CPEB3: variants seen among roughly 807,000 people sequenced by gnomAD.
CPEB3 encodes cytoplasmic polyadenylation element-binding protein 3.
Under a neutral mutation model 67.2 loss-of-function variants are expected in CPEB3, and 20 were observed. The observed-to-expected ratio is 0.30, with a 90% CI of 0.21 to 0.43. CPEB3 has a LOEUF of 0.43. Ranked by LOEUF, CPEB3 falls within the 20% of genes least tolerant of loss-of-function variation. CPEB3 has a pLI of 1.00. For missense variants in CPEB3, 746 were observed against 968.6 expected, an observed-to-expected ratio of 0.77 and a Z score of 3.05; for synonymous variants, 376 against 393.1, an observed-to-expected ratio of 0.96 and a Z score of 0.51.
At position 92,216,660 on chromosome 10, in the gene CPEB3, C is replaced by G. The variant is rs11186858; in HGVS notation, c.1005+22686G>C. On this transcript the variant is annotated intron_variant, in intron 2 of 9. Coordinates refer to ENST00000265997, the MANE Select transcript of CPEB3 (RefSeq NM_014912.5). Reference sequence around the variant, plus strand: ...AATCTGCCCTATGTCTATATCCCCTCTAAGACGGACCTGGGTGCAGCCACA... The same window carrying G: ...AATCTGCCCTATGTCTATATCCCCTGTAAGACGGACCTGGGTGCAGCCACA... The G allele has an allele frequency of 3.2e-5, 51 of 1,606,984 alleles. No individual in the cohort carries two copies. The African/African-American group carries it at 6.2e-4, about 19-fold the overall frequency.
At position 92,259,417 on chromosome 10, in the gene CPEB3, C is replaced by A. The variant is rs1481943101; in HGVS notation, c.-11-19056G>T. ...AGGAGTTCGAGATAAGCCTGACCAA[C>A]ATGGAGAAATCCCGTCTCTACTAAA... On this transcript the variant is annotated intron_variant, in intron 1 of 9. Coordinates refer to ENST00000265997, the MANE Select transcript of CPEB3 (RefSeq NM_014912.5). 2.0e-5 allele frequency among the ~76,000 whole-genome samples: 3 copies of A among 151,994 alleles called. No individual in the cohort carries two copies. In the South Asian group the frequency reaches 6.2e-4, roughly 32 times the overall value.
chr10:92,126,790 TA>T (rs1165643090), intron 6 of CPEB3, among the ~76,000 whole-genome samples: 2 of 152,224 alleles, frequency 1.3e-5, no homozygotes, highest in Non-Finnish European at 2.9e-5. Context: ...CAAGTCTGTC[TA>T]ACAAAAGCTG....
intron 1 of CPEB3, among the ~76,000 whole-genome samples, chr10:92,250,049 C>G (rs967115766): frequency 2.0e-5 from 3 of 149,702 alleles, no homozygotes; most frequent in African/African-American, 7.4e-5. Flanking sequence ...TGTTATATAG[C>G]TATACAATAT....
intron 2 of CPEB3, among the ~76,000 whole-genome samples, chr10:92,236,698 G>A (rs1206260166): frequency 6.6e-6 from 1 of 152,108 alleles, no homozygotes; most frequent in Non-Finnish European, 1.5e-5. Flanking sequence ...GCAGTGAGCC[G>A]AGATCATGCC....
rs187433485 is a variant in CPEB3, at chr10:92,174,990, A to C, written c.1222+5973T>G. On this transcript the variant is annotated intron_variant, in intron 4 of 9. Coordinates refer to ENST00000265997, the MANE Select transcript of CPEB3 (RefSeq NM_014912.5). ...GCCTTACTTCATCTGAATCTCACAA[A>C]AACAATGAGGTAGAGTAAATATCCT... is the stretch of plus-strand genomic sequence containing the variant. Among the ~76,000 whole-genome samples, 365 of 152,200 alleles carry C rather than the reference A, an allele frequency of 2.4e-3. 4 individuals carry two copies. The highest frequency in any genetic ancestry group is 8.3e-3 in the African/African-American group (344 of 41,530).
At chr10:92,159,207 G>A (rs1847349109) in intron 4 of CPEB3, among the ~76,000 whole-genome samples, 1 of 152,094 alleles carries the variant, frequency 6.6e-6, no homozygotes, top group Admixed American at 6.6e-5. Context: ...AGGTTGCAGT[G>A]AGCTGAGATC....
chr10:92,280,393 AC>A (rs778338323), intron 1 of CPEB3, among the ~76,000 whole-genome samples: 4 of 150,512 alleles, frequency 2.7e-5, no homozygotes, highest in Non-Finnish European at 5.9e-5. Context: ...AAGAAAAAAA[AC>A]TAGATCCCTA....
At chr10:92,268,341 C>T (rs562364200) in intron 1 of CPEB3, among the ~76,000 whole-genome samples, 1 of 151,952 alleles carries the variant, frequency 6.6e-6, no homozygotes, top group Admixed American at 6.6e-5. Flanking sequence ...TAAAATGTTC[C>T]TCTAGTCTGG....
At chr10:92,237,323 A>G (rs975278584) in intron 2 of CPEB3, among the ~76,000 whole-genome samples, 3 of 152,238 alleles carry the variant, frequency 2.0e-5, no homozygotes, top group African/African-American at 7.2e-5. Flanking sequence ...TCAATTTTCA[A>G]TCAAATCTGT....
chr10:92,235,560 G>A (rs1295704819), intron 2 of CPEB3, among the ~76,000 whole-genome samples: 1 of 152,228 alleles, frequency 6.6e-6, no homozygotes, highest in Non-Finnish European at 1.5e-5. Context: ...TATGGGCCAG[G>A]CACTGTGCTA....
At chr10:92,283,722 C>CTTTTTTTT (rs869248048) in intron 1 of CPEB3, among the ~76,000 whole-genome samples, 6 of 108,950 alleles carry the variant, frequency 5.5e-5, no homozygotes, top group Admixed American at 1.1e-4. Flanking sequence ...CTTTTTCTTT[C>CTTTTTTTT]TTTTTTTTTT....
At chr10:92,089,610 C>T (rs1843529930) in intron 8 of CPEB3, among the ~76,000 whole-genome samples, 1 of 152,022 alleles carries the variant, frequency 6.6e-6, no homozygotes, top group Admixed American at 6.6e-5. Flanking sequence ...CATGGTGAAA[C>T]ACTGTCTCTA....
intron 1 of CPEB3, among the ~76,000 whole-genome samples, chr10:92,259,532 C>A (rs1852697339): frequency 6.6e-6 from 1 of 151,082 alleles, no homozygotes; most frequent in South Asian, 2.1e-4. Context: ...ACCCGGGAGG[C>A]GGAAGTTGCA....
At chr10:92,090,618 A>ATT (rs1564769550) in intron 8 of CPEB3, among the ~76,000 whole-genome samples, 1 of 152,084 alleles carries the variant, frequency 6.6e-6, no homozygotes, top group Admixed American at 6.5e-5. Context: ...ACTAGCAATG[A>ATT]TTGTCCATTT....
chr10:92,070,853 T>TAA (rs56263574), intron 9 of CPEB3, among the ~76,000 whole-genome samples: 2 of 144,590 alleles, frequency 1.4e-5, no homozygotes, highest in African/African-American at 2.5e-5. Context: ...GTGACAGGTT[T>TAA]AAAAAAAAAA....
chr10:92,199,776 T>C (rs1849426851), intron 2 of CPEB3, among the ~76,000 whole-genome samples: 1 of 151,922 alleles, frequency 6.6e-6, no homozygotes. Flanking sequence ...TATATGTTAT[T>C]GGGAAATATG....
chr10:92,245,129 G>T (rs893279007), intron 1 of CPEB3, among the ~76,000 whole-genome samples: 6 of 144,514 alleles, frequency 4.2e-5, no homozygotes, highest in South Asian at 2.2e-4. Flanking sequence ...CCTAAGAAAA[G>T]AGTCTTTTTT....
At chr10:92,183,526 G>T (rs1341961883) in intron 3 of CPEB3, among the ~76,000 whole-genome samples, 2 of 151,970 alleles carry the variant, frequency 1.3e-5, no homozygotes, top group Non-Finnish European at 2.9e-5. Context: ...GACCTTATTT[G>T]GATTCATTAT....
At chr10:92,216,218 A>C in intron 2 of CPEB3, 1 of 934,860 alleles carries the variant, frequency 1.1e-6, no homozygotes, top group Non-Finnish European at 1.6e-6. Flanking sequence ...AGCACGGATC[A>C]CAAGGTCAAG....
Sources: allele counts gnomAD v4.1 joint callset (sites outside exome capture counted in the v4.1 genomes callset), GRCh38; gene constraint gnomAD v4.1.1; transcripts MANE v1.5; gene names NCBI Gene and HGNC (gene_info 2026-07-23, HGNC 2026-07-21).